INTS14: variants seen among roughly 807,000 people sequenced by gnomAD.
INTS14 encodes the protein UPF0464 protein C15orf44.
In INTS14, 27 loss-of-function variants were observed where a neutral mutation model predicts 56.9. That is an observed-to-expected ratio of 0.47 (90% confidence interval 0.35 to 0.65). The LOEUF is 0.65. INTS14 is among the 30% of genes least tolerant of loss of function. The pLI is 0.00. For missense variants in INTS14, 517 were observed against 632.2 expected, an observed-to-expected ratio of 0.82 and a Z score of 1.95; for synonymous variants, 207 against 236.2, an observed-to-expected ratio of 0.88 and a Z score of 1.13.
intron 3 of INTS14, among the ~76,000 whole-genome samples, chr15:65,604,087 T>C (rs574560410): frequency 6.6e-6 from 1 of 152,324 alleles, no homozygotes; most frequent in South Asian, 2.1e-4. Context: ...ACAGACTTTA[T>C]GTTTGTTTGT....
chr15:65,596,281 A>G (rs553099526), intron 6 of INTS14, among the ~76,000 whole-genome samples: 1 of 152,350 alleles, frequency 6.6e-6, no homozygotes, highest in African/African-American at 2.4e-5. Context: ...AAATATGACA[A>G]TGACTTCTCT....
intron 1 of INTS14, among the ~76,000 whole-genome samples, chr15:65,609,807 A>G (rs534763843): frequency 6.6e-6 from 1 of 152,232 alleles, no homozygotes; most frequent in South Asian, 2.1e-4. Flanking sequence ...GGGAGGAAAC[A>G]GTTTACACAG....
intron 10 of INTS14, 52 bp downstream of exon 10, chr15:65,584,718 T>TA: frequency 6.8e-7 from 1 of 1,466,328 alleles, no homozygotes; most frequent in South Asian, 1.2e-5. Flanking sequence ...CCTGCCTGCC[T>TA]ACCCAAATGT....
intron 8 of INTS14, 115 bp downstream of exon 8, chr15:65,593,313 A>G (rs1596248837): frequency 6.1e-6 from 8 of 1,311,266 alleles, no homozygotes. Flanking sequence ...GTGTGGCAGG[A>G]AAAGGAAAAA....
chr15:65,588,164 C>T (rs2072896015), intron 9 of INTS14, among the ~76,000 whole-genome samples: 1 of 151,896 alleles, frequency 6.6e-6, no homozygotes, highest in Admixed American at 6.6e-5. Flanking sequence ...TGGTGGACAC[C>T]TGCAGTTCCA....
At chr15:65,585,966 T>G (rs952132748) in intron 9 of INTS14, among the ~76,000 whole-genome samples, 3 of 152,206 alleles carry the variant, frequency 2.0e-5, no homozygotes, top group Non-Finnish European at 2.9e-5. Context: ...ATAAACCTTC[T>G]GAGTCAGGCT....
At chr15:65,600,040 G>T in intron 3 of INTS14, 111 bp from the exon 4 acceptor site, 1 of 1,188,916 alleles carries the variant, frequency 8.4e-7, no homozygotes, top group South Asian at 1.6e-5. Flanking sequence ...GGCTATGGTG[G>T]CTCAAGCCTG....
chr15:65,594,056 A>G (rs1814205343), intron 7 of INTS14, among the ~76,000 whole-genome samples: 3 of 152,222 alleles, frequency 2.0e-5, no homozygotes, highest in Non-Finnish European at 4.4e-5. Flanking sequence ...TAGGATGTTT[A>G]GTTAGATGCT....
At chr15:65,582,633 C>T (rs745605813) in intron 10 of INTS14, among the ~76,000 whole-genome samples, 26 of 152,118 alleles carry the variant, frequency 1.7e-4, no homozygotes, top group Non-Finnish European at 3.4e-4. Flanking sequence ...ATCTTTATGA[C>T]TTTGGATTTG....
Position 65,584,966 on chromosome 15 carries a change from T to C in INTS14, c.1121-78A>G, listed in dbSNP as rs548988389. On this transcript the variant is annotated intron_variant, in intron 9 of 11. Transcript: ENST00000313182. ...CATTTCCATTTAGACTAGAAGCTCTTTGAATCACTCAATCTTTGATATCCT... is the reference window on the plus strand; with the variant it reads ...CATTTCCATTTAGACTAGAAGCTCTCTGAATCACTCAATCTTTGATATCCT... The C allele has an allele frequency of 4.2e-6, 5 of 1,187,468 alleles. No homozygotes were observed. The Admixed American group carries it at 1.2e-4, about 28-fold the overall frequency. 73.6% of individuals were successfully genotyped at this position (1,187,468 alleles called of 1,614,324 possible).
chr15:65,589,689 T>G (rs2072954238), intron 9 of INTS14, among the ~76,000 whole-genome samples: 1 of 152,324 alleles, frequency 6.6e-6, no homozygotes, highest in East Asian at 1.9e-4. Flanking sequence ...TCTGTACTTC[T>G]ATGAGCTCAT....
Position 65,607,475 on chromosome 15 carries a change from G to T in INTS14, c.-62-33C>A, listed in dbSNP as rs1158057744. 4 of 1,537,706 alleles carry T rather than the reference G, an allele frequency of 2.6e-6. No individual in the cohort carries two copies. The African/African-American group carries it at 5.5e-5, about 21-fold the overall frequency. On this transcript the variant is annotated intron_variant, in intron 1 of 11. Transcript: ENST00000313182. ...AAATAAATACGTTCTTACATGTCAT[G>T]GAGAGAAAATAATATTTTTCACCAT... is the stretch of plus-strand genomic sequence containing the variant.
At chr15:65,589,603 G>A (rs1026885620) in intron 9 of INTS14, among the ~76,000 whole-genome samples, 1 of 152,066 alleles carries the variant, frequency 6.6e-6, no homozygotes, top group South Asian at 2.1e-4. Context: ...CTGTAACTTT[G>A]TATCTGTTAC....
chr15:65,606,035 C>G (rs1266865078), intron 2 of INTS14, among the ~76,000 whole-genome samples: 1 of 151,426 alleles, frequency 6.6e-6, no homozygotes, highest in African/African-American at 2.4e-5. Flanking sequence ...GCGGGCGGAT[C>G]ATGAGGTCAG....
chr15:65,599,046 C>T (rs1596257805), intron 4 of INTS14, 56 bp from the exon 5 acceptor site: 1 of 1,294,958 alleles, frequency 7.7e-7, no homozygotes. Context: ...CCAGATTATT[C>T]TCAGCTCACC....
At chr15:65,593,279 A>T in intron 8 of INTS14, 149 bp downstream of exon 8, 2 of 912,504 alleles carry the variant, frequency 2.2e-6, no homozygotes, top group Non-Finnish European at 3.2e-6. Context: ...AAAAAAAAGG[A>T]CTGTAGTAGC....
intron 10 of INTS14, among the ~76,000 whole-genome samples, chr15:65,583,405 C>A (rs1278025125): frequency 1.3e-5 from 2 of 152,140 alleles, no homozygotes; most frequent in African/African-American, 4.8e-5. Context: ...TTGAAAACAT[C>A]ATGCTAAGTA....
intron 3 of INTS14, 59 bp downstream of exon 3, chr15:65,605,070 G>A (rs908184197): frequency 3.0e-5 from 38 of 1,283,676 alleles, no homozygotes; most frequent in Admixed American, 6.9e-5. Flanking sequence ...GAAGAAAATC[G>A]AAGCACCTCA....
chr15:65,598,446 G>A lies in INTS14; in HGVS notation c.623C>T (p.Ala208Val), dbSNP rs547953158. The change falls in exon 6 of 12, where the codon GCA (alanine) becomes GTA (valine). Residue 208 changes from alanine to valine, a missense_variant. Coordinates refer to ENST00000313182, the MANE Select transcript of INTS14 (RefSeq NM_001394796.1). ...GAGAACAGCATGGAAAGGCGTATATGCCAAATCTATCAGTTTTCTAGAATA... is the reference window on the plus strand; with the variant it reads ...GAGAACAGCATGGAAAGGCGTATATACCAAATCTATCAGTTTTCTAGAATA... The part of the protein sequence containing the change: ...QSMFGKLIDL[A>V]YTPFHAVLKC... 1.9e-6 allele frequency: 3 copies of A among 1,613,726 alleles called. No homozygotes were observed. Among genetic ancestry groups the A allele is most frequent in the African/African-American group, 2.7e-5 (2 of 75,038 alleles).
Sources: allele counts gnomAD v4.1 joint callset (sites outside exome capture counted in the v4.1 genomes callset), GRCh38; gene constraint gnomAD v4.1.1; transcripts MANE v1.5; gene names NCBI Gene and HGNC (gene_info 2026-07-23, HGNC 2026-07-21).